The following TAF1B variants were observed in gnomAD, a reference collection of about 807,000 sequenced individuals.
The protein encoded by TAF1B is TATA-box binding protein associated factor, RNA polymerase I subunit B, also known as TATA box-binding protein-associated factor RNA polymerase I subunit B.
Under a neutral mutation model 83.9 loss-of-function variants are expected in TAF1B, and 61 were observed. The ratio of observed to expected loss-of-function variants is 0.73; its 90% confidence interval spans 0.59 to 0.90. The LOEUF (loss-of-function observed/expected upper bound fraction) is 0.90, where lower values mean the gene tolerates loss of function less well. TAF1B is among the 40% of genes least tolerant of loss of function. The probability of loss-of-function intolerance (pLI) is 0.00; values close to 1 mark genes in which losing one functional copy is unlikely to be tolerated. For synonymous variants in TAF1B, 221 were observed against 224.6 expected (o/e 0.98, Z 0.14); for missense variants, 625 against 677.0 (o/e 0.92, Z 0.85).
chr2:9,909,948 G>A (rs1374333888), intron 9 of TAF1B, among the ~76,000 whole-genome samples: 3 of 152,134 alleles, frequency 2.0e-5, no homozygotes, highest in Non-Finnish European at 4.4e-5. Context: ...AACAGGACAT[G>A]GTGACTGAAT....
At chr2:9,884,689 C>T (rs967244568) in intron 8 of TAF1B, among the ~76,000 whole-genome samples, 1 of 152,142 alleles carries the variant, frequency 6.6e-6, no homozygotes, top group Non-Finnish European at 1.5e-5. Flanking sequence ...GGTTATTCCT[C>T]TCTGCATCCC....
chr2:9,912,255 CTTT>C (rs376993908), intron 11 of TAF1B, among the ~76,000 whole-genome samples: 10 of 145,178 alleles, frequency 6.9e-5, no homozygotes, highest in Admixed American at 3.4e-4. Flanking sequence ...GGGATCATAT[CTTT>C]TTTTTTTTTT....
intron 6 of TAF1B, among the ~76,000 whole-genome samples, chr2:9,875,575 A>T (rs1345410418): frequency 6.6e-6 from 1 of 152,174 alleles, no homozygotes; most frequent in Non-Finnish European, 1.5e-5. Flanking sequence ...AGCAGGCAAG[A>T]TGAGCGTGTG....
intron 8 of TAF1B, among the ~76,000 whole-genome samples, chr2:9,896,477 C>G (rs1665021586): frequency 6.6e-6 from 1 of 152,048 alleles, no homozygotes; most frequent in Non-Finnish European, 1.5e-5. Flanking sequence ...CCAGAAATGA[C>G]AAAAGGTGCA....
chr2:9,919,446 AT>A (rs1335038924), intron 13 of TAF1B, 151 bp from the exon 14 acceptor site: 20 of 681,642 alleles, frequency 2.9e-5, no homozygotes, highest in Non-Finnish European at 4.2e-5. Flanking sequence ...ATCCAGTTTC[AT>A]TTTCCCTTAA....
intron 8 of TAF1B, among the ~76,000 whole-genome samples, chr2:9,888,556 G>T (rs1484406604): frequency 6.6e-6 from 1 of 151,890 alleles, no homozygotes; most frequent in Admixed American, 6.6e-5. Context: ...TTTTCAGTAG[G>T]TATAGAATTC....
At chr2:9,890,129 C>G (rs184092814) in intron 8 of TAF1B, among the ~76,000 whole-genome samples, 18 of 152,310 alleles carry the variant, frequency 1.2e-4, no homozygotes, top group Non-Finnish European at 2.9e-5. Flanking sequence ...CTCATCAAGA[C>G]CACTGAGCTC....
chr2:9,868,455 G>T (rs557282671), intron 6 of TAF1B, 26 bp downstream of exon 6: 1 of 1,592,800 alleles, frequency 6.3e-7, no homozygotes, highest in Admixed American at 1.8e-5. Context: ...AAACCATTTC[G>T]AATTTTAAAG....
intron 5 of TAF1B, among the ~76,000 whole-genome samples, chr2:9,856,705 T>A (rs1022474878): frequency 8.5e-5 from 13 of 152,102 alleles, no homozygotes; most frequent in African/African-American, 1.4e-4. Context: ...AAGTTTTTTT[T>A]AAAAAAAGGT....
intron 5 of TAF1B, among the ~76,000 whole-genome samples, chr2:9,855,533 G>A (rs867980974): frequency 3.3e-5 from 5 of 152,144 alleles, no homozygotes; most frequent in South Asian, 4.2e-4. Context: ...TAAAAAATAC[G>A]TACTGGGCAT....
chr2:9,907,189 GTT>G (rs35638451), intron 9 of TAF1B, among the ~76,000 whole-genome samples: 42,256 of 145,632 alleles, frequency 0.29, 6,678 homozygotes, highest in Middle Eastern at 0.4. Context: ...AGCCTGGCCT[GTT>G]TTTTTTTTTT....
At chr2:9,871,896 C>T (rs1664178166) in intron 6 of TAF1B, among the ~76,000 whole-genome samples, 1 of 152,060 alleles carries the variant, frequency 6.6e-6, no homozygotes, top group African/African-American at 2.4e-5. Context: ...TTCACTTAAG[C>T]CTCCTGTTTT....
chr2:9,899,689 ATGT>A (rs1558257057), intron 8 of TAF1B, among the ~76,000 whole-genome samples: 2 of 151,906 alleles, frequency 1.3e-5, no homozygotes, highest in Non-Finnish European at 2.9e-5. Context: ...TACAAAAGTA[ATGT>A]ATTCAGAATT....
intron 8 of TAF1B, among the ~76,000 whole-genome samples, chr2:9,899,693 A>G (rs1269023725): frequency 1.1e-5 from 1 of 92,422 alleles, no homozygotes; most frequent in Non-Finnish European, 3.0e-5. Context: ...AAAGTAATGT[A>G]TTCAGAATTA....
At chr2:9,919,174 T>C in intron 13 of TAF1B, 63 bp downstream of exon 13, 3 of 1,398,894 alleles carry the variant, frequency 2.1e-6, no homozygotes, top group Non-Finnish European at 3.0e-6. Flanking sequence ...ATTAAATATC[T>C]GGACTTGAAA....
intron 3 of TAF1B, 35 bp from the exon 4 acceptor site, chr2:9,851,506 A>G: frequency 1.3e-6 from 2 of 1,485,402 alleles, no homozygotes; most frequent in Non-Finnish European, 1.8e-6. Flanking sequence ...GTAAATTAGG[A>G]ATGTATATGC....
intron 5 of TAF1B, among the ~76,000 whole-genome samples, chr2:9,859,897 G>A (rs1029411805): frequency 1.3e-5 from 2 of 152,158 alleles, no homozygotes; most frequent in Non-Finnish European, 2.9e-5. Flanking sequence ...ACACTACTAT[G>A]AAGATACTAC....
intron 7 of TAF1B, 42 bp from the exon 8 acceptor site, chr2:9,882,664 G>A (rs1397554329): frequency 7.2e-7 from 1 of 1,388,638 alleles, no homozygotes; most frequent in Non-Finnish European, 1.0e-6. Context: ...TGCTATATCA[G>A]TATATAACTC....
chr2:9,870,203 A>G (rs1664123817), intron 6 of TAF1B, among the ~76,000 whole-genome samples: 1 of 152,188 alleles, frequency 6.6e-6, no homozygotes, highest in African/African-American at 2.4e-5. Context: ...GTTGTAGTCC[A>G]CCAGTCACGG....
Sources: allele counts gnomAD v4.1 joint callset (sites outside exome capture counted in the v4.1 genomes callset), GRCh38; gene constraint gnomAD v4.1.1; transcripts MANE v1.5; gene names NCBI Gene and HGNC (gene_info 2026-07-23, HGNC 2026-07-21).